The following NPTN variants were observed in gnomAD, a reference collection of about 807,000 sequenced individuals.
NPTN encodes SDR-1.
Under a neutral mutation model 42.7 loss-of-function variants are expected in NPTN, and 5 were observed. The observed-to-expected ratio is 0.12, with a 90% CI of 0.06 to 0.25. The LOEUF is 0.25. Among genes scored for constraint, NPTN ranks in the 10% least tolerant of loss-of-function variants. The probability of loss-of-function intolerance (pLI) is 1.00; values close to 1 mark genes in which losing one functional copy is unlikely to be tolerated. For synonymous variants in NPTN, 180 were observed against 201.9 expected, an observed-to-expected ratio of 0.89 and a Z score of 0.92; for missense variants, 307 against 525.4, an observed-to-expected ratio of 0.58 and a Z score of 4.06.
chr15:73,605,679 A>T (rs1358167567), intron 1 of NPTN, among the ~76,000 whole-genome samples: 1 of 151,766 alleles, frequency 6.6e-6, no homozygotes, highest in Non-Finnish European at 1.5e-5. Context: ...GTGAGCTGAG[A>T]TCGCACCACT....
chr15:73,563,402 T>C, intron 6 of NPTN, 145 bp from the exon 7 acceptor site: 2 of 1,457,144 alleles, frequency 1.4e-6, no homozygotes, highest in Non-Finnish European at 1.8e-6. Flanking sequence ...GGCCATTCCA[T>C]CTGGAGGTGC....
intron 4 of NPTN, among the ~76,000 whole-genome samples, chr15:73,580,007 T>A (rs1258576146): frequency 6.6e-6 from 1 of 152,160 alleles, no homozygotes; most frequent in Non-Finnish European, 1.5e-5. Flanking sequence ...TATTATGCAT[T>A]TTTGTATGTA....
At chr15:73,615,708 A>G (rs552760032) in intron 1 of NPTN, among the ~76,000 whole-genome samples, 1 of 152,296 alleles carries the variant, frequency 6.6e-6, no homozygotes, top group South Asian at 2.1e-4. Context: ...TGGGCCTATG[A>G]GTTTAAAAGG....
intron 1 of NPTN, among the ~76,000 whole-genome samples, chr15:73,624,689 C>G (rs946322463): frequency 6.6e-6 from 1 of 152,202 alleles, no homozygotes; most frequent in Non-Finnish European, 1.5e-5. Flanking sequence ...TACCCTCTCT[C>G]TCTCTTCCCT....
At chr15:73,629,613 T>C (rs1245019278) in intron 1 of NPTN, among the ~76,000 whole-genome samples, 1 of 152,086 alleles carries the variant, frequency 6.6e-6, no homozygotes, top group Non-Finnish European at 1.5e-5. Flanking sequence ...AAAAATAAGA[T>C]TCATTAGATT....
At position 73,569,902 on chromosome 15, in the gene NPTN, C is replaced by T; in HGVS notation, c.1114+248G>A. ...GCAGATGGGACTAGGGTTTGGAAAA[C>T]ACCCAAACAGAGGGAGAGAGCTAAG... On this transcript the variant is annotated intron_variant, in intron 6 of 8. Coordinates refer to ENST00000345330, the MANE Select transcript of NPTN (RefSeq NM_012428.4). This position sits in a 1 kb window ranked among gnomAD's most constrained non-coding sequence, Gnocchi z 4.1. 1 of 714,710 alleles carries T rather than the reference C, an allele frequency of 1.4e-6. No homozygotes were observed. Among genetic ancestry groups the T allele is most frequent in the Non-Finnish European group, 1.7e-6 (1 of 583,358 alleles). The allele number at this position is 714,710 out of a possible 1,614,324, so 44.3% of individuals were successfully genotyped here.
intron 1 of NPTN, among the ~76,000 whole-genome samples, chr15:73,610,800 T>C (rs1897541404): frequency 6.6e-6 from 1 of 152,142 alleles, no homozygotes; most frequent in African/African-American, 2.4e-5. Flanking sequence ...ATTAAACAAA[T>C]ATGATTTTGG....
At chr15:73,568,266 T>C in intron 6 of NPTN, 8 of 985,478 alleles carry the variant, frequency 8.1e-6, no homozygotes, top group Non-Finnish European at 9.6e-6. Flanking sequence ...GGGAACACGC[T>C]AGGCTGCTGC....
chr15:73,618,844 A>G, intron 1 of NPTN, among the ~76,000 whole-genome samples: 1 of 152,086 alleles, frequency 6.6e-6, no homozygotes. Flanking sequence ...CAAACAAAAC[A>G]AAACAAAAAC....
At chr15:73,628,929 A>T (rs899122259) in intron 1 of NPTN, among the ~76,000 whole-genome samples, 2 of 152,168 alleles carry the variant, frequency 1.3e-5, no homozygotes, top group Non-Finnish European at 2.9e-5. Flanking sequence ...TCTCATAAGG[A>T]TCTGTATTAA....
chr15:73,579,988 G>C (rs1180891052), intron 4 of NPTN, among the ~76,000 whole-genome samples: 1 of 152,046 alleles, frequency 6.6e-6, no homozygotes, highest in Non-Finnish European at 1.5e-5. Context: ...ACTAAGTTTT[G>C]GGGTAATTTA....
chr15:73,633,254 CCAGAGCCGGGGCCGGGGA>C lies in NPTN; in HGVS notation c.-57_-40del. 7.0e-7 allele frequency: 1 copy of C among 1,424,346 alleles called. No individual in the cohort carries two copies. The allele number at this position is 1,424,346 out of a possible 1,614,324, so 88.2% of individuals were successfully genotyped here. A position where few individuals can be genotyped will look rare whatever the true frequency, so the allele number is the denominator to read the frequency against. ...AGACCCAACAGCGAATGGGCCGGGGCCAGAGCCGGGGCCGGGGAAGGGAGGGGAGGGAGGGAGGGGGCG... is the reference window on the plus strand; with the variant it reads ...AGACCCAACAGCGAATGGGCCGGGGCAGGGAGGGGAGGGAGGGAGGGGGCG... On this transcript the variant is annotated 5_prime_UTR_variant, in exon 1 of 9. Coordinates refer to ENST00000345330, the MANE Select transcript of NPTN (RefSeq NM_012428.4).
chr15:73,620,693 T>C (rs1363010305), intron 1 of NPTN, among the ~76,000 whole-genome samples: 2 of 152,232 alleles, frequency 1.3e-5, no homozygotes. Flanking sequence ...TCCAGGAATG[T>C]AATTACTGTG....
chr15:73,597,040 T>C lies in NPTN; in HGVS notation c.421A>G (p.Thr141Ala). The change falls in exon 2 of 9, where the codon ACC (threonine) becomes GCC (alanine). Residue 141 changes from threonine to alanine, a missense_variant. Around this residue, in one of 2 missense-constraint regions of NPTN, gnomAD observed 264 missense variants for 491.1 expected, o/e 0.54. Coordinates refer to ENST00000345330, the MANE Select transcript of NPTN (RefSeq NM_012428.4). This position sits in a 1 kb window ranked among gnomAD's most constrained non-coding sequence, Gnocchi z 6.3. Reference protein sequence around the residue: ...PSITWIRAQATISVLQKPRIV... With the variant: ...PSITWIRAQAAISVLQKPRIV... The stretch of plus-strand genomic sequence containing the variant: ...GACTCACTCTGAAGGACGCTTATGG[T>C]GGCCTGGGCTCGAATCCATGTTATG... 4 of 1,613,860 alleles carry C rather than the reference T, an allele frequency of 2.5e-6. No homozygotes were observed. The highest frequency in any genetic ancestry group is 3.4e-6 in the Non-Finnish European group (4 of 1,179,896).
chr15:73,575,232 G>A lies in NPTN; in HGVS notation c.707-1437C>T, dbSNP rs888909199. On this transcript the variant is annotated intron_variant, in intron 4 of 8. Transcript: ENST00000345330. ...TCCTGACCTCAGGTGTTCTGCCCGC[G>A]TTGGCCTCCCAAAGTGTTGGGATTA... Among the ~76,000 whole-genome samples the A allele has an allele frequency of 2.0e-5, 3 of 151,898 alleles. No homozygotes were observed. In the East Asian group the frequency reaches 5.8e-4, roughly 29 times the overall value.
chr15:73,597,380 G>A lies in NPTN; in HGVS notation c.92-11C>T, dbSNP rs746491225. 2.5e-6 allele frequency: 4 copies of A among 1,602,534 alleles called. No individual in the cohort carries two copies. Among genetic ancestry groups the A allele is most frequent in the African/African-American group, 2.7e-5 (2 of 74,398 alleles). On this transcript the variant is annotated splice_polypyrimidine_tract_variant and intron_variant, in intron 1 of 8. Coordinates refer to ENST00000345330, the MANE Select transcript of NPTN (RefSeq NM_012428.4). The surrounding 1 kb of genome is among the most constrained non-coding windows in gnomAD (Gnocchi z 6.3). ...ACTTGACAAACCCAGCTAGAGGGAG[G>A]GGGAGCAGGAATGCAGTGACAGGCC...
rs191409479 is a variant in NPTN, at chr15:73,569,507, G to C, written c.1114+643C>G. The stretch of plus-strand genomic sequence containing the variant: ...CCTTTGCTATCTCTGTCTTACACTA[G>C]ATGGGTGGATACATCAGACTCTCCT... On this transcript the variant is annotated intron_variant, in intron 6 of 8. Coordinates refer to ENST00000345330, the MANE Select transcript of NPTN (RefSeq NM_012428.4). This position sits in a 1 kb window ranked among gnomAD's most constrained non-coding sequence, Gnocchi z 4.1. The C allele has an allele frequency of 2.7e-4, 265 of 985,416 alleles. No individual in the cohort carries two copies. The highest frequency in any genetic ancestry group is 3.1e-4 in the Non-Finnish European group (255 of 829,930). 61.0% of individuals were successfully genotyped at this position (985,416 alleles called of 1,614,324 possible).
At chr15:73,615,156 C>CT (rs548267204) in intron 1 of NPTN, among the ~76,000 whole-genome samples, 2,776 of 135,702 alleles carry the variant, frequency 0.02, 46 homozygotes, top group East Asian at 0.1. Context: ...GCTTAACAAT[C>CT]TTTTTTTTTT....
At chr15:73,577,823 G>A (rs963309046) in intron 4 of NPTN, among the ~76,000 whole-genome samples, 3 of 152,040 alleles carry the variant, frequency 2.0e-5, no homozygotes, top group Non-Finnish European at 4.4e-5. Context: ...AGTCAGCTCT[G>A]ACTCCCTGTG....
Sources: gnomAD v4.1 joint callset for allele counts (sites outside exome capture counted in the v4.1 genomes callset) on GRCh38, gnomAD v4.1.1 for gene constraint, gnomAD v4.1.1 regional missense constraint, Gnocchi (gnomAD v3.1) non-coding constraint, MANE v1.5 for transcripts, NCBI Gene and HGNC (gene_info 2026-07-23, HGNC 2026-07-21) for gene names.